SYCP3: variants seen among roughly 807,000 people sequenced by gnomAD.
SYCP3 encodes synaptonemal complex protein 3.
SYCP3 carries 29 observed loss-of-function variants against 38.5 expected under a neutral mutation model. The observed-to-expected ratio is 0.75, with a 90% CI of 0.56 to 1.03. The LOEUF (loss-of-function observed/expected upper bound fraction) is 1.03. Among genes scored for constraint, SYCP3 ranks in the 50% least tolerant of loss-of-function variants. The pLI, the probability that SYCP3 is intolerant of heterozygous loss-of-function variation, is 0.00. For missense variants in SYCP3, 242 were observed against 270.7 expected (o/e 0.89, Z 0.74); for synonymous variants, 79 against 80.3 (o/e 0.98, Z 0.08).
rs1248602029 is a variant in SYCP3 at position 101,728,973 on chromosome 12, T to A, written c.665A>T (p.Gln222Leu). ...QKKIMMETQQ[Q>L]EIASVRKSLQ... The stretch of plus-strand genomic sequence containing the variant: ...AGACTTCCGAACACTTGCTATCTCT[T>A]GCTGCTGCTGTTTCATGGAAGGAGA... Residue 222 changes from glutamine (Q) to leucine (L), a missense_variant, in exon 9 of 9, where the codon CAA (glutamine) becomes CTA (leucine). Coordinates refer to ENST00000392924, the MANE Select transcript of SYCP3 (RefSeq NM_001177949.2). 6.2e-7 allele frequency: 1 copy of A among 1,613,440 alleles called. No homozygotes were observed. The highest frequency in any genetic ancestry group is 8.5e-7 in the Non-Finnish European group (1 of 1,179,710).
At chr12:101,730,141 G>T (rs2288379) in intron 7 of SYCP3, among the ~76,000 whole-genome samples, 26,933 of 152,028 alleles carry the variant, frequency 0.18, 2,733 homozygotes, top group East Asian at 0.49. Context: ...AGGAGGGATA[G>T]ATTGGAGAAC....
rs1263084002 is a variant in SYCP3, at chr12:101,734,953, A to G, written c.327T>C (p.His109=). 2 of 1,613,132 alleles carry G rather than the reference A, an allele frequency of 1.2e-6. No homozygotes were observed. The highest frequency in any genetic ancestry group is 1.7e-6 in the Non-Finnish European group (2 of 1,179,310). The part of the protein sequence containing the change: ...SLKTSNQKIE[H]VWKTQQDQRQ... ...TTTGATCTTGTTGTGTTTTCCAAAC[A>G]TGTTCAATTTTCTGGTTACTAGTTT... Residue 109 remains histidine (H), a synonymous_variant, in exon 5 of 9, where the codon CAT becomes CAC. Coordinates refer to ENST00000392924, the MANE Select transcript of SYCP3 (RefSeq NM_001177949.2).
chr12:101,735,589 A>AG (rs910963494), intron 4 of SYCP3, among the ~76,000 whole-genome samples: 9 of 151,912 alleles, frequency 5.9e-5, no homozygotes, highest in African/African-American at 2.2e-4. Flanking sequence ...TGAACCCGGG[A>AG]GGCAGAGGTT....
At chr12:101,738,351 C>T (rs1309612265) in intron 1 of SYCP3, among the ~76,000 whole-genome samples, 17 of 151,312 alleles carry the variant, frequency 1.1e-4, no homozygotes, top group Admixed American at 1.1e-3. Flanking sequence ...TCGCTTGAAC[C>T]CGGGAGACAG....
chr12:101,736,942 T>C (rs1446156116), intron 4 of SYCP3, 95 bp downstream of exon 4: 2 of 1,171,752 alleles, frequency 1.7e-6, no homozygotes, highest in Non-Finnish European at 2.5e-6. Flanking sequence ...AGGCATTAAA[T>C]AACAGTCTTA....
chr12:101,730,071 G>A (rs1474107943), intron 7 of SYCP3, among the ~76,000 whole-genome samples: 1 of 152,024 alleles, frequency 6.6e-6, no homozygotes, highest in Non-Finnish European at 1.5e-5. Context: ...AGAACAGGAG[G>A]CTACTGACAG....
Position 101,735,871 on chromosome 12 carries a change from A to ATTTTTTTTTTTTT in SYCP3, c.236-840_236-828dup, listed in dbSNP as rs201568592. Among the ~76,000 whole-genome samples, 73 of 74,530 alleles carry ATTTTTTTTTTTTT rather than the reference A, an allele frequency of 9.8e-4. 3 individuals are homozygous for ATTTTTTTTTTTTT. Among genetic ancestry groups the ATTTTTTTTTTTTT allele is most frequent in the Non-Finnish European group, 1.4e-3 (57 of 39,846 alleles). 48.9% of individuals were successfully genotyped at this position (74,530 alleles called of 152,430 possible). A position where few individuals can be genotyped will look rare whatever the true frequency, so the allele number is the denominator to read the frequency against. On this transcript the variant is annotated intron_variant, in intron 4 of 8. Coordinates refer to ENST00000392924, the MANE Select transcript of SYCP3 (RefSeq NM_001177949.2). ...CAATTTTATATATATATATATATAT[A>ATTTTTTTTTTTTT]TTTTTTTTTTTTTAAAGACACGGGG... is the stretch of plus-strand genomic sequence containing the variant.
intron 7 of SYCP3, chr12:101,730,621 G>T (rs1952152021): frequency 1.2e-5 from 4 of 324,894 alleles, no homozygotes; most frequent in African/African-American, 2.3e-5. Flanking sequence ...AGCCTTCCCA[G>T]TAGCTGGGAC....
chr12:101,737,915 C>G lies in SYCP3; in HGVS notation c.21G>C (p.Lys7Asn). The G allele has an allele frequency of 6.2e-7, 1 of 1,614,114 alleles. No homozygotes were observed. The highest frequency in any genetic ancestry group is 8.5e-7 in the Non-Finnish European group (1 of 1,180,004). The change falls in exon 2 of 9, where the codon AAG (lysine) becomes AAC (asparagine). Residue 7 changes from lysine (K) to asparagine (N), a missense_variant. Coordinates refer to ENST00000392924, the MANE Select transcript of SYCP3 (RefSeq NM_001177949.2). MVSSGK[K>N]YSRKSGKPSV... Reference sequence around the variant, plus strand: ...ACGGCTTCCCAGATTTCCTGGAATACTTTTTTCCGGAGGACACCATATTTA... The same window carrying G: ...ACGGCTTCCCAGATTTCCTGGAATAGTTTTTTCCGGAGGACACCATATTTA...
chr12:101,731,545 T>TGTA, intron 7 of SYCP3, 23 bp downstream of exon 7: 1 of 1,467,840 alleles, frequency 6.8e-7, no homozygotes, highest in Non-Finnish European at 9.4e-7. Context: ...TAACGATGTA[T>TGTA]TGTGTTACCA....
chr12:101,734,830 G>A (rs1017806556), intron 5 of SYCP3, 97 bp downstream of exon 5: 14 of 860,350 alleles, frequency 1.6e-5, no homozygotes, highest in Middle Eastern at 2.8e-4. Flanking sequence ...TTACTGGCAT[G>A]AGCCACCGTG....
intron 1 of SYCP3, among the ~76,000 whole-genome samples, chr12:101,739,067 G>A (rs570854787): frequency 2.8e-4 from 42 of 152,354 alleles, no homozygotes; most frequent in African/African-American, 9.6e-4. Flanking sequence ...CCTCGGCGTG[G>A]AGCGGGCAGG....
At chr12:101,737,356 G>A in intron 2 of SYCP3, 58 bp from the exon 3 acceptor site, 1 of 1,468,448 alleles carries the variant, frequency 6.8e-7, no homozygotes, top group Non-Finnish European at 9.3e-7. Flanking sequence ...AGGTTATTTT[G>A]GTAAATTTTA....
intron 6 of SYCP3, 34 bp downstream of exon 6, chr12:101,733,541 C>T: frequency 6.3e-7 from 1 of 1,580,520 alleles, no homozygotes; most frequent in South Asian, 1.1e-5. Flanking sequence ...CTACTTGAGA[C>T]TTGGTTGATT....
intron 1 of SYCP3, among the ~76,000 whole-genome samples, chr12:101,738,296 C>G (rs1594186286): frequency 6.7e-6 from 1 of 148,338 alleles, no homozygotes; most frequent in Non-Finnish European, 1.5e-5. Flanking sequence ...GGCGTGGTGG[C>G]ACGTGCCTGT....
At chr12:101,734,844 A>G in intron 5 of SYCP3, 83 bp downstream of exon 5, 1 of 988,580 alleles carries the variant, frequency 1.0e-6, no homozygotes, top group Non-Finnish European at 1.6e-6. Flanking sequence ...CACCGTGCCG[A>G]TCCTAGAATA....
chr12:101,738,429 C>CA (rs553151423), intron 1 of SYCP3, among the ~76,000 whole-genome samples: 2,301 of 129,488 alleles, frequency 0.018, 30 homozygotes, highest in African/African-American at 0.046. Context: ...AACTTCGTCT[C>CA]AAAAAAAAAA....
chr12:101,735,871 A>ATATATATATATATATTTTTTTTTTTTTT lies in SYCP3; in HGVS notation c.236-828_236-827insAAAAAAAAAAAAAATATATATATATATA. On this transcript the variant is annotated intron_variant, in intron 4 of 8. Transcript: ENST00000392924. ...CAATTTTATATATATATATATATAT[A>ATATATATATATATATTTTTTTTTTTTTT]TTTTTTTTTTTTTAAAGACACGGGG... Among the ~76,000 whole-genome samples the ATATATATATATATATTTTTTTTTTTTTT allele has an allele frequency of 1.4e-3, 103 of 74,586 alleles. 1 individual carries two copies. The highest frequency in any genetic ancestry group is 5.6e-3 in the African/African-American group (89 of 15,780). 48.9% of individuals were successfully genotyped at this position (74,586 alleles called of 152,430 possible).
In SYCP3 at chr12:101,731,556, C is replaced by A; in HGVS notation, c.552+12G>T. The A allele has an allele frequency of 2.6e-6, 4 of 1,554,610 alleles. No individual in the cohort carries two copies. The highest frequency in any genetic ancestry group is 3.5e-6 in the Non-Finnish European group (4 of 1,136,236). On this transcript the variant is annotated intron_variant, in intron 7 of 8. Transcript: ENST00000392924. ...TTTATAACGATGTATTGTGTTACCA[C>A]ATACAACAAACCTTTATGAACTGCT...
Sources: gnomAD v4.1 joint callset for allele counts (sites outside exome capture counted in the v4.1 genomes callset) on GRCh38, gnomAD v4.1.1 for gene constraint, MANE v1.5 for transcripts, NCBI Gene and HGNC (gene_info 2026-07-23, HGNC 2026-07-21) for gene names.